ASIC5: variants seen among roughly 807,000 people sequenced by gnomAD.
The protein encoded by ASIC5 is bile acid-sensitive ion channel.
Under a neutral mutation model 51.2 loss-of-function variants are expected in ASIC5, and 52 were observed. That is an observed-to-expected ratio of 1.02 (90% CI 0.81 to 1.28). ASIC5 has a LOEUF of 1.28. ASIC5 is among the 50% of genes most tolerant of loss of function. ASIC5 has a pLI of 0.00. For missense variants in ASIC5, 635 were observed against 595.0 expected (o/e 1.07, Z -0.70); for synonymous variants, 231 against 200.7 (o/e 1.15, Z -1.28).
chr4:155,850,823 T>A (rs1272312172), intron 4 of ASIC5, among the ~76,000 whole-genome samples: 1 of 152,054 alleles, frequency 6.6e-6, no homozygotes, highest in East Asian at 1.9e-4. Context: ...TTAACACTAA[T>A]GTTCTTTTTA....
chr4:155,849,582 A>C (rs1303283580), intron 4 of ASIC5, among the ~76,000 whole-genome samples: 1 of 152,120 alleles, frequency 6.6e-6, no homozygotes, highest in Non-Finnish European at 1.5e-5. Flanking sequence ...TTATGTTTCC[A>C]AAACTAGGGT....
Position 155,847,394 on chromosome 4 carries a change from T to C in ASIC5, c.712-3564A>G, listed in dbSNP as rs116762027. Among the ~76,000 whole-genome samples, 375 of 152,100 alleles carry C rather than the reference T, an allele frequency of 2.5e-3. 1 individual carries two copies. The highest frequency in any genetic ancestry group is 8.4e-3 in the African/African-American group (350 of 41,510). On this transcript the variant is annotated intron_variant, in intron 4 of 9. Transcript: ENST00000537611. ...AACACTAACAGCAATTAAATCCTCA[T>C]CTTCAGGCCCCACAGCAGATTCCAA...
chr4:155,837,019 C>A (rs1435853859), intron 7 of ASIC5, among the ~76,000 whole-genome samples, 162 bp from the exon 8 acceptor site: 2 of 152,038 alleles, frequency 1.3e-5, no homozygotes, highest in Non-Finnish European at 2.9e-5. Context: ...CTGAATATAG[C>A]AGAGGAGATA....
intron 1 of ASIC5, among the ~76,000 whole-genome samples, chr4:155,865,317 A>C (rs1393516065): frequency 6.6e-6 from 1 of 152,116 alleles, no homozygotes; most frequent in Non-Finnish European, 1.5e-5. Context: ...TCCCAGAGAA[A>C]AATCAGAAAC....
At chr4:155,836,414 CATT>C (rs1740981644) in intron 8 of ASIC5, among the ~76,000 whole-genome samples, 1 of 152,172 alleles carries the variant, frequency 6.6e-6, no homozygotes, top group Non-Finnish European at 1.5e-5. Flanking sequence ...TATCAGTCAA[CATT>C]ATTATTTTCC....
intron 8 of ASIC5, among the ~76,000 whole-genome samples, chr4:155,834,353 T>C (rs984003820): frequency 5.9e-5 from 9 of 152,172 alleles, no homozygotes; most frequent in East Asian, 1.9e-4. Context: ...CATTTCACAT[T>C]TGCCGTCCTG....
intron 4 of ASIC5, among the ~76,000 whole-genome samples, chr4:155,851,430 C>T (rs1017728): frequency 0.98 from 148,455 of 152,126 alleles, 72,470 homozygotes; most frequent in East Asian, 1. Context: ...ATCAATTTTA[C>T]TTTTCATCTT....
intron 4 of ASIC5, 136 bp from the exon 5 acceptor site, chr4:155,843,966 T>C: frequency 1.2e-6 from 1 of 848,876 alleles, no homozygotes; most frequent in African/African-American, 1.7e-5. Flanking sequence ...CTATCTCTTT[T>C]TGTCTAAAGT....
chr4:155,854,701 C>G (rs887507201), intron 2 of ASIC5: 1 of 197,772 alleles, frequency 5.1e-6, no homozygotes, highest in Non-Finnish European at 1.0e-5. Flanking sequence ...CATTCCCATC[C>G]TTGTATATAT....
At chr4:155,844,728 T>C (rs1741200954) in intron 4 of ASIC5, among the ~76,000 whole-genome samples, 1 of 152,082 alleles carries the variant, frequency 6.6e-6, no homozygotes, top group South Asian at 2.1e-4. Context: ...CTTGCTCCCC[T>C]AAGCCTTTTG....
intron 8 of ASIC5, among the ~76,000 whole-genome samples, chr4:155,832,265 A>C (rs528929841): frequency 6.6e-6 from 1 of 152,340 alleles, no homozygotes; most frequent in East Asian, 1.9e-4. Flanking sequence ...ACCTTCAAGA[A>C]ATCACATTGG....
Position 155,843,708 on chromosome 4 carries a change from G to T in ASIC5, c.834C>A (p.His278Gln), listed in dbSNP as rs771533226. The T allele has an allele frequency of 1.2e-6, 2 of 1,613,428 alleles. No homozygotes were observed. The highest frequency in any genetic ancestry group is 1.7e-6 in the Non-Finnish European group (2 of 1,179,628). ...TCACTTGGCGGATGGTTACCCTTGCGTGCATTCCCACAGGTGACAACAAGC... is the reference window on the plus strand; with the variant it reads ...TCACTTGGCGGATGGTTACCCTTGCTTGCATTCCCACAGGTGACAACAAGC... ...GLGLLSPVGM[H>Q]ARVTIRQVKT... Residue 278 changes from histidine (H) to glutamine (Q), a missense_variant, in exon 5 of 10, where the codon CAC (histidine) becomes CAA (glutamine). Physicochemically the swap from His to Gln is conservative, Grantham distance 24. Coordinates refer to ENST00000537611, the MANE Select transcript of ASIC5 (RefSeq NM_017419.3).
chr4:155,851,229 C>T (rs925372015), intron 4 of ASIC5, among the ~76,000 whole-genome samples: 11 of 151,752 alleles, frequency 7.2e-5, no homozygotes, highest in East Asian at 1.9e-4. Flanking sequence ...TTGAATGACT[C>T]GAAAGTATTA....
intron 6 of ASIC5, among the ~76,000 whole-genome samples, chr4:155,839,236 A>G (rs1452449413): frequency 6.6e-6 from 1 of 152,100 alleles, no homozygotes; most frequent in Non-Finnish European, 1.5e-5. Context: ...GAGAATTTTC[A>G]TTTTACAGAT....
chr4:155,857,988 C>A (rs1275201852), intron 2 of ASIC5, among the ~76,000 whole-genome samples: 2 of 151,962 alleles, frequency 1.3e-5, no homozygotes, highest in African/African-American at 2.4e-5. Flanking sequence ...AACATGAAGA[C>A]CCAATATACG....
chr4:155,843,691 CG>C lies in ASIC5; in HGVS notation c.850del (p.Arg284AlafsTer3). ...GACTCGAGTATTTACCTTCACTTGG[CG>C]GATGGTTACCCTTGCGTGCATTCCC... ...PVGMHARVTI[R>X]QVKTVHQEYP... On this transcript the variant is annotated frameshift_variant, in exon 5 of 10. Transcript: ENST00000537611. LOFTEE classifies it high-confidence loss of function. 1 of 1,613,298 alleles carries C rather than the reference CG, an allele frequency of 6.2e-7. No homozygotes were observed. Among genetic ancestry groups the C allele is most frequent in the Non-Finnish European group, 8.5e-7 (1 of 1,179,556 alleles).
intron 2 of ASIC5, among the ~76,000 whole-genome samples, chr4:155,861,024 G>A (rs1022141728): frequency 6.6e-6 from 1 of 151,366 alleles, no homozygotes; most frequent in African/African-American, 2.4e-5. Flanking sequence ...TGTTATTTAG[G>A]TGTGCATTGT....
At position 155,863,708 on chromosome 4, in the gene ASIC5, T is replaced by G; in HGVS notation, c.87A>C (p.Pro29=). 1 of 1,613,904 alleles carries G rather than the reference T, an allele frequency of 6.2e-7. No homozygotes were observed. The highest frequency in any genetic ancestry group is 8.5e-7 in the Non-Finnish European group (1 of 1,179,880). Residue 29 remains proline, a synonymous_variant, in exon 2 of 10, where the codon CCA becomes CCC. Coordinates refer to ENST00000537611, the MANE Select transcript of ASIC5 (RefSeq NM_017419.3). ...CAAACTTCTTTCGCTCAGTGGGAGATGGCAGTGGTTTCTTTGAAAGGCAAA... is the reference window on the plus strand; with the variant it reads ...CAAACTTCTTTCGCTCAGTGGGAGAGGGCAGTGGTTTCTTTGAAAGGCAAA... The part of the protein sequence containing the change: ...IKLCLSKKPL[P]SPTERKKFDH...
At chr4:155,837,380 T>C (rs1741009112) in intron 7 of ASIC5, among the ~76,000 whole-genome samples, 1 of 152,140 alleles carries the variant, frequency 6.6e-6, no homozygotes, top group African/African-American at 2.4e-5. Flanking sequence ...CCACTGAGGT[T>C]CTCTGTTCAG....
Sources: allele counts gnomAD v4.1 joint callset (sites outside exome capture counted in the v4.1 genomes callset), GRCh38; gene constraint gnomAD v4.1.1; transcripts MANE v1.5; gene names NCBI Gene and HGNC (gene_info 2026-07-23, HGNC 2026-07-21).